The following CDH8 variants were observed in gnomAD, a reference collection of about 807,000 sequenced individuals.
The protein encoded by CDH8 is cadherin-8.
CDH8 carries 17 observed loss-of-function variants against 68.1 expected under a neutral mutation model. That is an observed-to-expected ratio of 0.25 (90% CI 0.17 to 0.37). The LOEUF (loss-of-function observed/expected upper bound fraction) is 0.37. Among genes scored for constraint, CDH8 ranks in the 10% least tolerant of loss-of-function variants. CDH8 has a pLI of 1.00. For missense variants in CDH8, 763 were observed against 999.3 expected (o/e 0.76, Z 3.19); for synonymous variants, 372 against 365.1 (o/e 1.02, Z -0.21).
At chr16:61,872,428 A>G (rs2143060389) in intron 3 of CDH8, among the ~76,000 whole-genome samples, 1 of 152,290 alleles carries the variant, frequency 6.6e-6, no homozygotes, top group South Asian at 2.1e-4. Context: ...ACAACTCAAA[A>G]TGACGGCTTC....
At chr16:61,700,157 G>C (rs970730402) in intron 10 of CDH8, among the ~76,000 whole-genome samples, 4 of 151,944 alleles carry the variant, frequency 2.6e-5, no homozygotes, top group Admixed American at 2.6e-4. Context: ...TTCTGCTATT[G>C]TGAACAGTGC....
intron 3 of CDH8, among the ~76,000 whole-genome samples, chr16:61,892,129 G>C (rs932773279): frequency 1.3e-5 from 2 of 152,076 alleles, no homozygotes; most frequent in Non-Finnish European, 1.5e-5. Context: ...AATATGTACT[G>C]GGCAATGACA....
chr16:62,000,487 C>A (rs921152329), intron 2 of CDH8, among the ~76,000 whole-genome samples: 4 of 152,166 alleles, frequency 2.6e-5, no homozygotes, highest in Non-Finnish European at 5.9e-5. Context: ...TCTGAGTAGA[C>A]TGGCTTTCAA....
At chr16:61,830,381 G>C (rs190791150) in intron 4 of CDH8, among the ~76,000 whole-genome samples, 1 of 151,880 alleles carries the variant, frequency 6.6e-6, no homozygotes, top group East Asian at 1.9e-4. Flanking sequence ...TTTGAACTGT[G>C]AATGCTAAAA....
intron 2 of CDH8, among the ~76,000 whole-genome samples, chr16:62,000,869 T>G (rs1266794605): frequency 1.3e-5 from 2 of 152,246 alleles, no homozygotes; most frequent in African/African-American, 4.8e-5. Context: ...ACACTAGCAG[T>G]AACTATAGTT....
At chr16:61,811,983 AC>A (rs1221405517) in intron 7 of CDH8, among the ~76,000 whole-genome samples, 2 of 152,180 alleles carry the variant, frequency 1.3e-5, no homozygotes, top group Non-Finnish European at 2.9e-5. Flanking sequence ...TAGAAGTTGC[AC>A]CTATTGTTAA....
At chr16:61,985,680 C>G (rs569531956) in intron 2 of CDH8, among the ~76,000 whole-genome samples, 13 of 151,916 alleles carry the variant, frequency 8.6e-5, no homozygotes, top group African/African-American at 3.1e-4. Context: ...TTAGTAGAGA[C>G]GGGGGTTTCT....
In CDH8 at chr16:61,652,771, G is replaced by A. The variant is rs1162817199; in HGVS notation, c.*837C>T. On this transcript the variant is annotated 3_prime_UTR_variant, in exon 12 of 12. Transcript: ENST00000577390. ...ACATCAATAAAATATTTATTTCGAGGATTAAACAAATAAATTCACGCGCTA... is the reference window on the plus strand; with the variant it reads ...ACATCAATAAAATATTTATTTCGAGAATTAAACAAATAAATTCACGCGCTA... 106 of 1,328,896 alleles carry A rather than the reference G, an allele frequency of 8.0e-5. No individual in the cohort carries two copies. The highest frequency in any genetic ancestry group is 9.2e-5 in the Non-Finnish European group (96 of 1,038,354). 82.3% of individuals were successfully genotyped at this position (1,328,896 alleles called of 1,614,324 possible). A position where few individuals can be genotyped will look rare whatever the true frequency, so the allele number is the denominator to read the frequency against.
At chr16:61,921,902 G>T (rs1964375048) in intron 2 of CDH8, among the ~76,000 whole-genome samples, 1 of 152,110 alleles carries the variant, frequency 6.6e-6, no homozygotes, top group Admixed American at 6.6e-5. Context: ...ACGGTGGCAT[G>T]TGCCTGTAAT....
intron 9 of CDH8, among the ~76,000 whole-genome samples, chr16:61,715,704 A>G (rs536642314): frequency 6.6e-6 from 1 of 151,764 alleles, no homozygotes; most frequent in Non-Finnish European, 1.5e-5. Context: ...ACCTAAACAC[A>G]TAGCATATTT....
At chr16:61,685,552 T>C (rs1301452546) in intron 10 of CDH8, among the ~76,000 whole-genome samples, 1 of 151,976 alleles carries the variant, frequency 6.6e-6, no homozygotes, top group Non-Finnish European at 1.5e-5. Context: ...ATAGTTTCTA[T>C]AAGAACTTTT....
chr16:61,666,440 T>C (rs899409860), intron 10 of CDH8, among the ~76,000 whole-genome samples: 4 of 152,056 alleles, frequency 2.6e-5, no homozygotes, highest in African/African-American at 9.7e-5. Context: ...TTTGTTTTAG[T>C]GTACTTCATC....
At chr16:61,809,121 G>T (rs146983971) in intron 7 of CDH8, among the ~76,000 whole-genome samples, 1 of 152,084 alleles carries the variant, frequency 6.6e-6, no homozygotes, top group African/African-American at 2.4e-5. Context: ...GGAAGGTGGG[G>T]GTTGCTGTGA....
intron 7 of CDH8, among the ~76,000 whole-genome samples, chr16:61,795,595 C>A (rs1961478361): frequency 6.6e-6 from 1 of 151,974 alleles, no homozygotes; most frequent in Admixed American, 6.6e-5. Context: ...AATGATGAGC[C>A]AATTCCTCAA....
chr16:61,725,569 A>G (rs79574106), intron 9 of CDH8: 17,015 of 150,750 alleles, frequency 0.11, 1,081 homozygotes, highest in South Asian at 0.16. Context: ...CAACAACCAT[A>G]TCTTTGAAAC....
At chr16:61,724,174 C>A (rs1360845827) in intron 9 of CDH8, among the ~76,000 whole-genome samples, 1 of 150,584 alleles carries the variant, frequency 6.6e-6, no homozygotes, top group East Asian at 2.0e-4. Flanking sequence ...GGAATGTCAC[C>A]TTTAACTTCA....
intron 6 of CDH8, among the ~76,000 whole-genome samples, chr16:61,819,165 A>G (rs941610333): frequency 1.9e-4 from 29 of 152,014 alleles, no homozygotes; most frequent in Admixed American, 2.6e-4. Context: ...GATAACAACA[A>G]TGAACCCAGA....
At chr16:61,933,739 A>G (rs1160652867) in intron 2 of CDH8, among the ~76,000 whole-genome samples, 1 of 152,092 alleles carries the variant, frequency 6.6e-6, no homozygotes, top group Non-Finnish European at 1.5e-5. Context: ...GTTTTTTGCA[A>G]CCTTCACATG....
chr16:61,764,249 A>G (rs1960535561), intron 8 of CDH8, among the ~76,000 whole-genome samples: 1 of 152,104 alleles, frequency 6.6e-6, no homozygotes, highest in Admixed American at 6.6e-5. Context: ...AAACTCCAAC[A>G]AAGATCTCTC....
Sources: allele counts gnomAD v4.1 joint callset (sites outside exome capture counted in the v4.1 genomes callset), GRCh38; gene constraint gnomAD v4.1.1; transcripts MANE v1.5; gene names NCBI Gene and HGNC (gene_info 2026-07-23, HGNC 2026-07-21).